FAF1: variants seen among roughly 807,000 people sequenced by gnomAD.
FAF1 encodes Fas associated factor 1.
FAF1 carries 25 observed loss-of-function variants against 92.5 expected under a neutral mutation model. The ratio of observed to expected loss-of-function variants is 0.27; its 90% CI spans 0.20 to 0.38. FAF1 has a LOEUF of 0.38. Ranked by LOEUF, FAF1 falls within the 10% of genes least tolerant of loss-of-function variation. FAF1 has a pLI of 1.00. For missense variants in FAF1, 636 were observed against 793.3 expected (o/e 0.80, Z 2.38); for synonymous variants, 234 against 273.2 (o/e 0.86, Z 1.42).
intron 4 of FAF1, among the ~76,000 whole-genome samples, chr1:50,750,298 G>C (rs1229949936): frequency 1.3e-5 from 2 of 152,166 alleles, no homozygotes; most frequent in Non-Finnish European, 2.9e-5. Context: ...TAACTTAAGT[G>C]CTTGCTTTGG....
At chr1:50,927,880 TTTTTC>T (rs1645018442) in intron 1 of FAF1, among the ~76,000 whole-genome samples, 1 of 152,186 alleles carries the variant, frequency 6.6e-6, no homozygotes, top group Non-Finnish European at 1.5e-5. Flanking sequence ...TAATCTCCTC[TTTTTC>T]TTTTTTCTAC....
At chr1:50,479,750 G>A (rs938934873) in intron 17 of FAF1, among the ~76,000 whole-genome samples, 3 of 152,134 alleles carry the variant, frequency 2.0e-5, no homozygotes, top group African/African-American at 7.2e-5. Flanking sequence ...GACAATGTCT[G>A]CTCCTCAATG....
chr1:50,693,622 TA>T (rs1377879091), intron 7 of FAF1, among the ~76,000 whole-genome samples: 6 of 152,006 alleles, frequency 3.9e-5, no homozygotes, highest in Non-Finnish European at 8.8e-5. Flanking sequence ...AGATAAAAAA[TA>T]AAATTTCTTA....
At chr1:50,460,498 C>T (rs778282765) in intron 18 of FAF1, among the ~76,000 whole-genome samples, 6 of 151,984 alleles carry the variant, frequency 3.9e-5, no homozygotes, top group South Asian at 4.2e-4. Flanking sequence ...CATTCAGGCA[C>T]GAGTTTTAGG....
At chr1:50,523,141 A>T (rs189736881) in intron 15 of FAF1, among the ~76,000 whole-genome samples, 1 of 152,224 alleles carries the variant, frequency 6.6e-6, no homozygotes, top group Non-Finnish European at 1.5e-5. Context: ...GTATGGATAT[A>T]CCATATTTTT....
At chr1:50,802,382 G>A (rs1415985197) in intron 2 of FAF1, among the ~76,000 whole-genome samples, 7 of 152,108 alleles carry the variant, frequency 4.6e-5, no homozygotes, top group African/African-American at 2.4e-5. Context: ...GAGCCACCGC[G>A]CCCGGCCATT....
At chr1:50,684,786 T>C (rs1656580238) in intron 7 of FAF1, among the ~76,000 whole-genome samples, 1 of 152,216 alleles carries the variant, frequency 6.6e-6, no homozygotes. Context: ...GAACGTGATA[T>C]AGATTGGTTT....
intron 7 of FAF1, among the ~76,000 whole-genome samples, chr1:50,687,188 CT>C (rs1168415236): frequency 6.6e-6 from 1 of 152,046 alleles, no homozygotes; most frequent in East Asian, 1.9e-4. Flanking sequence ...TCTAGTTTTC[CT>C]TTTCGGAATA....
At chr1:50,477,747 C>T (rs1646655466) in intron 17 of FAF1, among the ~76,000 whole-genome samples, 1 of 152,230 alleles carries the variant, frequency 6.6e-6, no homozygotes, top group Admixed American at 6.5e-5. Flanking sequence ...GGCCTTCTTA[C>T]TAGCCTGCAA....
chr1:50,663,671 AG>A (rs1364889302), intron 7 of FAF1, among the ~76,000 whole-genome samples: 3 of 151,224 alleles, frequency 2.0e-5, no homozygotes, highest in Non-Finnish European at 4.4e-5. Context: ...CCAAAGTGCT[AG>A]GATTACTGGC....
chr1:50,475,429 T>C lies in FAF1; in HGVS notation c.1869+35A>G, dbSNP rs61781012. On this transcript the variant is annotated intron_variant, in intron 18 of 18. Coordinates refer to ENST00000396153, the MANE Select transcript of FAF1 (RefSeq NM_007051.3). ...CTTTAATGATGGCACATCTCCCACC[T>C]GGATATACTTCCTGAGATAGGTATG... 3.8e-3 allele frequency: 5,833 copies of C among 1,524,336 alleles called. 48 individuals carry two copies. The highest frequency in any genetic ancestry group is 0.035 in the Middle Eastern group (203 of 5,808). The allele number at this position is 1,524,336 out of a possible 1,614,324, so 94.4% of individuals were successfully genotyped here.
intron 8 of FAF1, among the ~76,000 whole-genome samples, chr1:50,599,171 G>C (rs1188582491): frequency 6.6e-6 from 1 of 152,104 alleles, no homozygotes; most frequent in African/African-American, 2.4e-5. Context: ...GGAGTGCAGT[G>C]GTACGATCTC....
chr1:50,909,603 T>C (rs541368017), intron 1 of FAF1, among the ~76,000 whole-genome samples: 36 of 152,346 alleles, frequency 2.4e-4, no homozygotes, highest in African/African-American at 7.9e-4. Flanking sequence ...TAAACTTCTC[T>C]TCTTGCTTCA....
At chr1:50,905,229 T>C (rs1644826649) in intron 1 of FAF1, among the ~76,000 whole-genome samples, 1 of 152,244 alleles carries the variant, frequency 6.6e-6, no homozygotes, top group South Asian at 2.1e-4. Context: ...TCCATTTTTA[T>C]GGCTGCATAG....
At chr1:50,804,871 C>A (rs975962245) in intron 2 of FAF1, among the ~76,000 whole-genome samples, 1 of 152,164 alleles carries the variant, frequency 6.6e-6, no homozygotes, top group African/African-American at 2.4e-5. Context: ...CCAAGCACTA[C>A]GCACTACTTT....
chr1:50,893,462 A>G (rs1001335324), intron 1 of FAF1, among the ~76,000 whole-genome samples: 10 of 152,210 alleles, frequency 6.6e-5, no homozygotes, highest in Non-Finnish European at 5.9e-5. Context: ...GGTCTTGGAT[A>G]AGATCTGGAA....
intron 3 of FAF1, among the ~76,000 whole-genome samples, chr1:50,792,182 A>G (rs1232480278): frequency 6.6e-6 from 1 of 152,206 alleles, no homozygotes; most frequent in Non-Finnish European, 1.5e-5. Context: ...AAAATGATAC[A>G]GAGTTTGTAA....
chr1:50,905,682 T>C (rs996560470), intron 1 of FAF1, among the ~76,000 whole-genome samples: 1 of 152,248 alleles, frequency 6.6e-6, no homozygotes, highest in South Asian at 2.1e-4. Context: ...AATGTCTTCT[T>C]TTGAGAAGTG....
chr1:50,749,988 G>T (rs1659789754), intron 4 of FAF1, among the ~76,000 whole-genome samples: 2 of 152,074 alleles, frequency 1.3e-5, no homozygotes, highest in African/African-American at 4.8e-5. Flanking sequence ...TACAATTAAT[G>T]AGATAACATA....
Sources: gnomAD v4.1 joint callset for allele counts (sites outside exome capture counted in the v4.1 genomes callset) on GRCh38, gnomAD v4.1.1 for gene constraint, MANE v1.5 for transcripts, NCBI Gene and HGNC (gene_info 2026-07-23, HGNC 2026-07-21) for gene names.